PPIP5K2: variants seen among roughly 807,000 people sequenced by gnomAD.
PPIP5K2 encodes the protein diphosphoinositol pentakisphosphate kinase 2.
Under a neutral mutation model 154.6 loss-of-function variants are expected in PPIP5K2, and 105 were observed. The ratio of observed to expected loss-of-function variants is 0.68; its 90% CI spans 0.58 to 0.80. The LOEUF (loss-of-function observed/expected upper bound fraction) is 0.80. Ranked by LOEUF, PPIP5K2 falls within the 30% of genes least tolerant of loss-of-function variation. The probability of loss-of-function intolerance (pLI) is 0.00; values close to 1 mark genes in which losing one functional copy is unlikely to be tolerated. For synonymous variants in PPIP5K2, 480 were observed against 490.3 expected, an observed-to-expected ratio of 0.98 and a Z score of 0.28; for missense variants, 992 against 1,504.6, an observed-to-expected ratio of 0.66 and a Z score of 5.64.
intron 19 of PPIP5K2, among the ~76,000 whole-genome samples, chr5:103,171,520 A>G (rs1240480095): frequency 2.0e-5 from 3 of 151,590 alleles, no homozygotes; most frequent in African/African-American, 7.2e-5. Flanking sequence ...TATTGAAACT[A>G]CATATGAGGA....
At chr5:103,158,929 C>G (rs1795814443) in intron 16 of PPIP5K2, among the ~76,000 whole-genome samples, 1 of 148,652 alleles carries the variant, frequency 6.7e-6, no homozygotes, top group South Asian at 2.1e-4. Flanking sequence ...ACCCTTGTCT[C>G]AAAAAAAAAC....
chr5:103,168,617 C>T (rs782083094), intron 19 of PPIP5K2, among the ~76,000 whole-genome samples: 2 of 151,646 alleles, frequency 1.3e-5, no homozygotes, highest in East Asian at 1.9e-4. Flanking sequence ...CGTCCTCCCC[C>T]GCATTATGAT....
intron 8 of PPIP5K2, among the ~76,000 whole-genome samples, chr5:103,150,008 G>GA (rs1179401710): frequency 2.0e-5 from 3 of 151,784 alleles, no homozygotes; most frequent in East Asian, 3.9e-4. Flanking sequence ...ACCATTTCTT[G>GA]AAAAAAACTT....
At position 103,154,956 on chromosome 5, in the gene PPIP5K2, T is replaced by A. The variant is rs1554212644; in HGVS notation, c.1403+13T>A. 1 of 1,492,120 alleles carries A rather than the reference T, an allele frequency of 6.7e-7. No individual in the cohort carries two copies. The highest frequency in any genetic ancestry group is 1.3e-5 in the South Asian group (1 of 77,488). The allele number at this position is 1,492,120 out of a possible 1,614,324, so 92.4% of individuals were successfully genotyped here. On this transcript the variant is annotated intron_variant, in intron 13 of 30. Coordinates refer to ENST00000358359, the MANE Select transcript of PPIP5K2 (RefSeq NM_001276277.3). ...CTGTATTAGAGATGTGAGTATCTTT[T>A]TGAAACGCTTAATTGTGGTACTACA... is the stretch of plus-strand genomic sequence containing the variant.
chr5:103,192,374 A>G (rs570932443), intron 29 of PPIP5K2, among the ~76,000 whole-genome samples: 1 of 152,122 alleles, frequency 6.6e-6, no homozygotes. Flanking sequence ...AGAATGGACA[A>G]TGCTGTTACC....
Position 103,154,860 on chromosome 5 carries a change from T to C in PPIP5K2, c.1320T>C (p.Leu440=). The C allele has an allele frequency of 6.2e-7, 1 of 1,600,730 alleles. No homozygotes were observed. Among genetic ancestry groups the C allele is most frequent in the Middle Eastern group, 1.7e-4 (1 of 5,808 alleles). Reference sequence around the variant, plus strand: ...AAGTGCTAGATATTGCACGACAGCTTCTTATGGAGCTAGGGCAAAATAATG... The same window carrying C: ...AAGTGCTAGATATTGCACGACAGCTCCTTATGGAGCTAGGGCAAAATAATG... ...LQEVLDIARQ[L]LMELGQNNDS... The change falls in exon 13 of 31, where the codon CTT becomes CTC. Residue 440 remains leucine (L), a synonymous_variant. Coordinates refer to ENST00000358359, the MANE Select transcript of PPIP5K2 (RefSeq NM_001276277.3).
rs1020578829 is a variant in PPIP5K2, at chr5:103,212,124, T to C, written c.*10490T>C. 4 of 152,006 alleles carry C rather than the reference T, an allele frequency of 2.6e-5. No homozygotes were observed. Among genetic ancestry groups the C allele is most frequent in the Admixed American group, 2.0e-4 (3 of 15,252 alleles). The allele number at this position is 152,006 out of a possible 1,614,324, so 9.4% of individuals were successfully genotyped here. Reference sequence around the variant, plus strand: ...GGTTGTAGATTATATGCATGACAGATTGCTGGAATTGGGCTCCATTCACAA... The same window carrying C: ...GGTTGTAGATTATATGCATGACAGACTGCTGGAATTGGGCTCCATTCACAA... On this transcript the variant is annotated 3_prime_UTR_variant, in exon 31 of 31. Transcript: ENST00000358359.
chr5:103,146,786 A>C, intron 6 of PPIP5K2, 105 bp downstream of exon 6: 2 of 971,328 alleles, frequency 2.1e-6, no homozygotes, highest in Non-Finnish European at 2.9e-6. Context: ...AACTCTTGAA[A>C]ATGTATCATT....
chr5:103,145,060 A>C (rs1793516961), intron 5 of PPIP5K2, among the ~76,000 whole-genome samples: 3 of 152,092 alleles, frequency 2.0e-5, no homozygotes, highest in Non-Finnish European at 2.9e-5. Flanking sequence ...ACAGCTCTAT[A>C]GGAAAAAAAA....
chr5:103,184,402 A>G, intron 25 of PPIP5K2: 1 of 260,868 alleles, frequency 3.8e-6, no homozygotes, highest in African/African-American at 2.2e-5. Flanking sequence ...AATTATATCA[A>G]TCTCTTAATT....
rs544864123 is a variant in PPIP5K2 at position 103,211,912 on chromosome 5, C to G, written c.*10278C>G. Reference sequence around the variant, plus strand: ...ATATTTATTTTGGAAATATATGTTACAGGTGAAAAGCAAGAATTAAAACTA... The same window carrying G: ...ATATTTATTTTGGAAATATATGTTAGAGGTGAAAAGCAAGAATTAAAACTA... On this transcript the variant is annotated 3_prime_UTR_variant, in exon 31 of 31. Transcript: ENST00000358359. 8.5e-5 allele frequency: 13 copies of G among 152,088 alleles called. No individual in the cohort carries two copies. The highest frequency in any genetic ancestry group is 1.3e-4 in the Non-Finnish European group (9 of 67,970). The allele number at this position is 152,088 out of a possible 1,614,324, so 9.4% of individuals were successfully genotyped here.
chr5:103,168,610 C>A (rs555722578), intron 19 of PPIP5K2, among the ~76,000 whole-genome samples: 1 of 151,750 alleles, frequency 6.6e-6, no homozygotes, highest in East Asian at 1.9e-4. Context: ...CATAGCACGT[C>A]CTCCCCCGCA....
chr5:103,121,903 C>A (rs1788808972), intron 1 of PPIP5K2, among the ~76,000 whole-genome samples: 1 of 152,178 alleles, frequency 6.6e-6, no homozygotes, highest in East Asian at 1.9e-4. Flanking sequence ...ATTAGGTCCT[C>A]ATTCTTTAAA....
Position 103,129,599 on chromosome 5 carries a change from GC to G in PPIP5K2, c.15del (p.Arg6AspfsTer11), listed in dbSNP as rs1554201913. On this transcript the variant is annotated frameshift_variant, in exon 2 of 31. Coordinates refer to ENST00000358359, the MANE Select transcript of PPIP5K2 (RefSeq NM_001276277.3). LOFTEE classifies it high-confidence loss of function. The stretch of plus-strand genomic sequence containing the variant: ...ATCAAATAAAATAAAAATGAGTGAA[GC>G]CCCCAGATTCTTCGTTGGACCAGAA... The part of the protein sequence containing the change: MSE[A>X]PRFFVGPEDT... The G allele has an allele frequency of 6.3e-7, 1 of 1,584,602 alleles. No individual in the cohort carries two copies. Among genetic ancestry groups the G allele is most frequent in the Admixed American group, 1.9e-5 (1 of 51,578 alleles).
chr5:103,170,389 G>A (rs1466459483), intron 19 of PPIP5K2, among the ~76,000 whole-genome samples: 1 of 151,494 alleles, frequency 6.6e-6, no homozygotes, highest in Non-Finnish European at 1.5e-5. Flanking sequence ...AGATTTTCAT[G>A]ACGGTCTGAG....
Position 103,138,379 on chromosome 5 carries a change from T to G in PPIP5K2, c.402-5T>G. On this transcript the variant is annotated splice_polypyrimidine_tract_variant and splice_region_variant and intron_variant, in intron 4 of 30. Transcript: ENST00000358359. The stretch of plus-strand genomic sequence containing the variant: ...AACAATAAGGATGTTTCCCTTTTTC[T>G]TCAGGAGAGAAGTATATAGTATTCT... 3 of 1,521,082 alleles carry G rather than the reference T, an allele frequency of 2.0e-6. No homozygotes were observed. Among genetic ancestry groups the G allele is most frequent in the Non-Finnish European group, 2.7e-6 (3 of 1,114,128 alleles). The allele number at this position is 1,521,082 out of a possible 1,614,324, so 94.2% of individuals were successfully genotyped here. A position where few individuals can be genotyped will look rare whatever the true frequency, so the allele number is the denominator to read the frequency against.
At chr5:103,193,239 T>G (rs1801533208) in intron 29 of PPIP5K2, among the ~76,000 whole-genome samples, 1 of 152,106 alleles carries the variant, frequency 6.6e-6, no homozygotes, top group African/African-American at 2.4e-5. Flanking sequence ...CCAGTTATGA[T>G]GAAAGTTTTT....
At chr5:103,195,347 T>C in intron 30 of PPIP5K2, among the ~76,000 whole-genome samples, 1 of 152,064 alleles carries the variant, frequency 6.6e-6, no homozygotes, top group Non-Finnish European at 1.5e-5. Context: ...AGGCCAGGCA[T>C]AGTGGTGCCC....
intron 29 of PPIP5K2, among the ~76,000 whole-genome samples, chr5:103,193,606 A>G (rs1313645184): frequency 6.6e-6 from 1 of 152,002 alleles, no homozygotes; most frequent in Non-Finnish European, 1.5e-5. Flanking sequence ...GGGCTAAGTA[A>G]AGCTAGGTTG....
Sources: allele counts gnomAD v4.1 joint callset (sites outside exome capture counted in the v4.1 genomes callset), GRCh38; gene constraint gnomAD v4.1.1; transcripts MANE v1.5; gene names NCBI Gene and HGNC (gene_info 2026-07-23, HGNC 2026-07-21).